NDRG1: variants seen among roughly 807,000 people sequenced by gnomAD.
NDRG1 encodes protein NDRG1.
NDRG1 carries 32 observed loss-of-function variants against 56.9 expected under a neutral mutation model. The observed-to-expected ratio is 0.56, with a 90% CI of 0.42 to 0.76. The LOEUF (loss-of-function observed/expected upper bound fraction) is 0.76, where lower values mean the gene tolerates loss of function less well. Ranked by LOEUF, NDRG1 falls within the 30% of genes least tolerant of loss-of-function variation. The probability of loss-of-function intolerance (pLI) is 0.00; values close to 1 mark genes in which losing one functional copy is unlikely to be tolerated. For synonymous variants in NDRG1, 211 were observed against 204.1 expected (o/e 1.03, Z -0.29); for missense variants, 507 against 545.7 (o/e 0.93, Z 0.71).
At position 133,280,265 on chromosome 8, in the gene NDRG1, G is replaced by T. The variant is rs750023131; in HGVS notation, c.66C>A (p.Thr22=). 1 of 1,614,042 alleles carries T rather than the reference G, an allele frequency of 6.2e-7. No homozygotes were observed. Among genetic ancestry groups the T allele is most frequent in the South Asian group, 1.1e-5 (1 of 91,068 alleles). ...CAAACTCTTGCAGGAGGCCGGTGAT[G>T]GTCTGTGAAAAGACAAAAAAAATTG... ...EVKPLVEKGE[T]ITGLLQEFDV... is the part of the protein sequence containing the mutation. Residue 22 remains threonine, a splice_region_variant and synonymous_variant, in exon 3 of 16, where the codon ACC becomes ACA. Coordinates refer to ENST00000323851, the MANE Select transcript of NDRG1 (RefSeq NM_006096.4).
At chr8:133,256,981 G>A in intron 7 of NDRG1, 118 bp from the exon 8 acceptor site, 2 of 924,100 alleles carry the variant, frequency 2.2e-6, no homozygotes, top group Non-Finnish European at 3.4e-6. Flanking sequence ...GGGCAGCAGA[G>A]CAGGCTGCTG....
intron 7 of NDRG1, among the ~76,000 whole-genome samples, chr8:133,257,453 C>G (rs1318283140): frequency 6.6e-6 from 1 of 152,180 alleles, no homozygotes; most frequent in East Asian, 1.9e-4. Flanking sequence ...CTACAACTCA[C>G]CAAGGCTGTA....
intron 13 of NDRG1, among the ~76,000 whole-genome samples, chr8:133,244,833 G>C (rs116162065): frequency 3.9e-5 from 6 of 152,324 alleles, no homozygotes; most frequent in African/African-American, 1.4e-4. Context: ...GGTTGAATTT[G>C]GGTCTTCAGG....
At chr8:133,248,337 T>C (rs893446828) in intron 11 of NDRG1, among the ~76,000 whole-genome samples, 35 of 152,192 alleles carry the variant, frequency 2.3e-4, no homozygotes, top group Admixed American at 3.9e-4. Context: ...GTTAGTTCTG[T>C]CCATGACTGT....
chr8:133,296,700 C>CAG (rs1204249265), intron 1 of NDRG1: 2 of 124,440 alleles, frequency 1.6e-5, no homozygotes, highest in East Asian at 2.6e-4. Context: ...CACAGACACA[C>CAG]ACACACACAC....
chr8:133,253,871 T>C (rs1475809220), intron 9 of NDRG1, among the ~76,000 whole-genome samples: 2 of 151,464 alleles, frequency 1.3e-5, no homozygotes, highest in Middle Eastern at 3.4e-3. Flanking sequence ...CTGGCCAATT[T>C]TTAATTTTTC....
intron 4 of NDRG1, 138 bp downstream of exon 4, chr8:133,264,409 G>A (rs1856809364): frequency 1.3e-6 from 1 of 784,818 alleles, no homozygotes; most frequent in Non-Finnish European, 2.2e-6. Flanking sequence ...TGTGGCAAGA[G>A]TTCTTCCCAG....
intron 1 of NDRG1, among the ~76,000 whole-genome samples, chr8:133,287,145 G>A (rs180851551): frequency 3.9e-5 from 6 of 152,296 alleles, no homozygotes; most frequent in Admixed American, 1.3e-4. Flanking sequence ...AGGAAATCAT[G>A]TAAGGAAGTT....
chr8:133,238,391 A>G lies in NDRG1; in HGVS notation c.*487T>C. On this transcript the variant is annotated 3_prime_UTR_variant, in exon 16 of 16. Coordinates refer to ENST00000323851, the MANE Select transcript of NDRG1 (RefSeq NM_006096.4). ...TTGCCTGTTTAAAAGAGGTGCCTGC[A>G]TGTCACTATTACCCCCCTCCCCAAA... 1 of 240,562 alleles carries G rather than the reference A, an allele frequency of 4.2e-6. No individual in the cohort carries two copies. Among genetic ancestry groups the G allele is most frequent in the Non-Finnish European group, 8.1e-6 (1 of 123,142 alleles). The allele number at this position is 240,562 out of a possible 1,614,324, so 14.9% of individuals were successfully genotyped here.
intron 13 of NDRG1, among the ~76,000 whole-genome samples, chr8:133,245,337 T>C (rs1855612882): frequency 6.6e-6 from 1 of 152,120 alleles, no homozygotes; most frequent in South Asian, 2.1e-4. Flanking sequence ...GTCCCCAAAA[T>C]AGACATACTG....
chr8:133,286,087 T>C (rs1393635499), intron 1 of NDRG1, among the ~76,000 whole-genome samples: 1 of 152,058 alleles, frequency 6.6e-6, no homozygotes, highest in Non-Finnish European at 1.5e-5. Flanking sequence ...ACCAGGTGGG[T>C]TCAAGCAGTC....
At chr8:133,282,130 C>T (rs1424441070) in intron 2 of NDRG1, among the ~76,000 whole-genome samples, 1 of 152,220 alleles carries the variant, frequency 6.6e-6, no homozygotes, top group African/African-American at 2.4e-5. Flanking sequence ...AGCTCTTAGA[C>T]ATGTGTTTCA....
intron 1 of NDRG1, chr8:133,296,560 C>A: frequency 2.2e-6 from 1 of 456,208 alleles, no homozygotes; most frequent in Non-Finnish European, 4.4e-6. Context: ...CCTCTCGGAT[C>A]CACACCCGTT....
intron 15 of NDRG1, chr8:133,240,293 A>C (rs1474286160): frequency 6.6e-6 from 1 of 152,156 alleles, no homozygotes; most frequent in Non-Finnish European, 1.5e-5. Flanking sequence ...AGACATCAGA[A>C]ACAGGGGCAG....
chr8:133,238,857 G>A lies in NDRG1; in HGVS notation c.*21C>T, dbSNP rs1249333829. The A allele has an allele frequency of 6.5e-7, 1 of 1,546,364 alleles. No individual in the cohort carries two copies. The highest frequency in any genetic ancestry group is 2.0e-5 in the Admixed American group (1 of 51,032). Reference sequence around the variant, plus strand: ...GCCACTACAGAGATCAGAGTCCGGGGGCGGCAGCTGGGCAGGCCGCCTAGC... The same window carrying A: ...GCCACTACAGAGATCAGAGTCCGGGAGCGGCAGCTGGGCAGGCCGCCTAGC... On this transcript the variant is annotated 3_prime_UTR_variant, in exon 16 of 16. Coordinates refer to ENST00000323851, the MANE Select transcript of NDRG1 (RefSeq NM_006096.4).
At chr8:133,246,740 T>A in intron 12 of NDRG1, 77 bp from the exon 13 acceptor site, 1 of 1,308,128 alleles carries the variant, frequency 7.6e-7, no homozygotes, top group Non-Finnish European at 1.1e-6. Flanking sequence ...TCCGCCACTC[T>A]GCCACCGTCA....
intron 12 of NDRG1, 62 bp from the exon 13 acceptor site, chr8:133,246,725 C>A (rs1855703786): frequency 2.8e-6 from 4 of 1,439,210 alleles, no homozygotes; most frequent in Non-Finnish European, 3.9e-6. Context: ...AACATCTCCC[C>A]CTTCTCCGCC....
At position 133,258,376 on chromosome 8, in the gene NDRG1, G is replaced by C. The variant is rs1856489118; in HGVS notation, c.440C>G (p.Thr147Ser). Residue 147 changes from threonine to serine, a missense_variant, in exon 7 of 16, where the codon ACT becomes AGT. Thr to Ser is a moderately conservative substitution (Grantham distance 58, BLOSUM62 1). Coordinates refer to ENST00000323851, the MANE Select transcript of NDRG1 (RefSeq NM_006096.4). ...MGTGAGAYIL[T>S]RFALNNPEMV... ...TGCCAAAGCACTCACAGCAAATCGA[G>C]TTAGGATGTAGGCGCCTGCTCCTGT... 1 of 1,611,918 alleles carries C rather than the reference G, an allele frequency of 6.2e-7. No individual in the cohort carries two copies. The highest frequency in any genetic ancestry group is 2.2e-5 in the East Asian group (1 of 44,882).
chr8:133,279,650 G>A (rs1353639972), intron 3 of NDRG1, among the ~76,000 whole-genome samples: 1 of 152,176 alleles, frequency 6.6e-6, no homozygotes, highest in Non-Finnish European at 1.5e-5. Context: ...AGCACAGCAT[G>A]GGACCCACCC....
Sources: allele counts gnomAD v4.1 joint callset (sites outside exome capture counted in the v4.1 genomes callset), GRCh38; gene constraint gnomAD v4.1.1; transcripts MANE v1.5; gene names NCBI Gene and HGNC (gene_info 2026-07-23, HGNC 2026-07-21).